Variants in GLRA1 observed in about 807,000 individuals in gnomAD.
The protein encoded by GLRA1 is glycine receptor alpha 1.
A neutral mutation model predicts 48.3 loss-of-function variants in GLRA1; 37 were observed. The ratio of observed to expected loss-of-function variants is 0.77; its 90% CI spans 0.59 to 1.01. The LOEUF is 1.01. Among genes scored for constraint, GLRA1 ranks in the 50% least tolerant of loss-of-function variants. The pLI is 0.00. For missense variants in GLRA1, 427 were observed against 571.0 expected (o/e 0.75, Z 2.57); for synonymous variants, 196 against 210.7 (o/e 0.93, Z 0.60).
At chr5:151,858,786 T>A (rs906105488) in intron 4 of GLRA1, among the ~76,000 whole-genome samples, 1 of 151,718 alleles carries the variant, frequency 6.6e-6, no homozygotes, top group Non-Finnish European at 1.5e-5. Context: ...AAAAAAAACG[T>A]GTTTCCCTGA....
At chr5:151,894,303 G>A (rs1287077533) in intron 1 of GLRA1, among the ~76,000 whole-genome samples, 3 of 152,132 alleles carry the variant, frequency 2.0e-5, no homozygotes, top group Non-Finnish European at 4.4e-5. Context: ...AGTTAATAAT[G>A]GATGACTCTC....
chr5:151,905,169 AT>A (rs1340618722), intron 1 of GLRA1, among the ~76,000 whole-genome samples: 1 of 152,054 alleles, frequency 6.6e-6, no homozygotes, highest in Non-Finnish European at 1.5e-5. Flanking sequence ...AAAAAATAAC[AT>A]TTTCCTCTGA....
In GLRA1 at chr5:151,851,308, C is replaced by T. The variant is rs1729699623; in HGVS notation, c.912+82G>A. On this transcript the variant is annotated intron_variant, in intron 7 of 8. Transcript: ENST00000274576. ...ATAAGTAGTGAATAATTCCTTTGCT[C>T]CCCATGTTTTAGGCAGAGCAAGGAA... is the stretch of plus-strand genomic sequence containing the variant. 15 of 901,460 alleles carry T rather than the reference C, an allele frequency of 1.7e-5. No homozygotes were observed. In the Middle Eastern group the frequency reaches 2.3e-3, roughly 137 times the overall value. The allele number at this position is 901,460 out of a possible 1,614,324, so 55.8% of individuals were successfully genotyped here.
intron 6 of GLRA1, among the ~76,000 whole-genome samples, chr5:151,852,881 T>C (rs1752947343): frequency 6.6e-6 from 1 of 152,140 alleles, no homozygotes; most frequent in Non-Finnish European, 1.5e-5. Context: ...GATGAATAGA[T>C]AAAGAAAATG....
At chr5:151,828,198 A>G (rs1216532904) in intron 8 of GLRA1, among the ~76,000 whole-genome samples, 2 of 152,232 alleles carry the variant, frequency 1.3e-5, no homozygotes, top group African/African-American at 4.8e-5. Context: ...ACAGGGAAAG[A>G]GAACAAGATA....
chr5:151,901,056 C>T (rs920127258), intron 1 of GLRA1, among the ~76,000 whole-genome samples: 2 of 152,104 alleles, frequency 1.3e-5, no homozygotes, highest in Non-Finnish European at 2.9e-5. Context: ...TCTTAGTCAG[C>T]CCCTGGGGAA....
chr5:151,875,822 C>T (rs1753612900), intron 3 of GLRA1: 1 of 152,274 alleles, frequency 6.6e-6, no homozygotes, highest in Non-Finnish European at 1.5e-5. Flanking sequence ...TTTCTTTATG[C>T]TCAGCAAATG....
At chr5:151,882,610 T>C (rs532747171) in intron 3 of GLRA1, among the ~76,000 whole-genome samples, 1 of 152,210 alleles carries the variant, frequency 6.6e-6, no homozygotes, top group South Asian at 2.1e-4. Flanking sequence ...ATCAGACCTG[T>C]GTTTCTACCA....
intron 7 of GLRA1, among the ~76,000 whole-genome samples, chr5:151,841,283 A>G (rs891817265): frequency 5.3e-5 from 8 of 152,302 alleles, no homozygotes; most frequent in Admixed American, 5.2e-4. Flanking sequence ...AAGATATATT[A>G]AGGAATACTC....
chr5:151,912,192 T>C (rs145719138), intron 1 of GLRA1, among the ~76,000 whole-genome samples: 1 of 152,062 alleles, frequency 6.6e-6, no homozygotes, highest in Non-Finnish European at 1.5e-5. Flanking sequence ...CCAAGCCATA[T>C]TCAATACATT....
chr5:151,908,200 T>C (rs1754523891), intron 1 of GLRA1, among the ~76,000 whole-genome samples: 1 of 152,190 alleles, frequency 6.6e-6, no homozygotes, highest in African/African-American at 2.4e-5. Flanking sequence ...CAGCCATGGG[T>C]CCCACCAGCA....
At position 151,924,714 on chromosome 5, in the gene GLRA1, G is replaced by T. The variant is rs1254741373; in HGVS notation, c.-165C>A. On this transcript the variant is annotated 5_prime_UTR_variant, in exon 1 of 9. Coordinates refer to ENST00000274576, the MANE Select transcript of GLRA1 (RefSeq NM_000171.4). ...GAGCCCCAGGGGAAATTGGAGCGAG[G>T]GGGTCGTAGATACCACGGACAGCGG... 16 of 692,812 alleles carry T rather than the reference G, an allele frequency of 2.3e-5. No homozygotes were observed. Among genetic ancestry groups the T allele is most frequent in the Non-Finnish European group, 4.2e-5 (16 of 379,026 alleles). 42.9% of individuals were successfully genotyped at this position (692,812 alleles called of 1,614,324 possible).
intron 1 of GLRA1, among the ~76,000 whole-genome samples, chr5:151,920,374 G>C (rs1032966902): frequency 6.6e-6 from 1 of 152,134 alleles, no homozygotes; most frequent in African/African-American, 2.4e-5. Context: ...TCAAATTATA[G>C]CCCAACTTCT....
intron 1 of GLRA1, among the ~76,000 whole-genome samples, chr5:151,907,014 A>G (rs1401463827): frequency 6.6e-6 from 1 of 152,238 alleles, no homozygotes; most frequent in Admixed American, 6.5e-5. Flanking sequence ...CACTGGAAGT[A>G]TTCAAGGAGA....
rs115361217 is a variant in GLRA1, at chr5:151,859,043, A to G, written c.476+742T>C. ...GATTCTCATTTGTCTAATCTGAAAA[A>G]TGGGCCTGGTAAAACCTGCTTCATG... On this transcript the variant is annotated intron_variant, in intron 4 of 8. Coordinates refer to ENST00000274576, the MANE Select transcript of GLRA1 (RefSeq NM_000171.4). Among the ~76,000 whole-genome samples, 875 of 152,340 alleles carry G rather than the reference A, an allele frequency of 5.7e-3. 12 individuals are homozygous for G. Among genetic ancestry groups the G allele is most frequent in the African/African-American group, 0.02 (846 of 41,580 alleles).
At chr5:151,869,011 G>A (rs1009661104) in intron 3 of GLRA1, among the ~76,000 whole-genome samples, 1 of 152,104 alleles carries the variant, frequency 6.6e-6, no homozygotes, top group Non-Finnish European at 1.5e-5. Context: ...TGTCTTTAGG[G>A]GATCACTAAA....
intron 7 of GLRA1, chr5:151,849,116 CTTT>C: frequency 5.4e-6 from 1 of 186,004 alleles, no homozygotes; most frequent in South Asian, 2.4e-4. Context: ...TTCTTTCTTT[CTTT>C]CTTTCTTTCT....
intron 3 of GLRA1, among the ~76,000 whole-genome samples, chr5:151,865,576 A>G (rs947624471): frequency 2.0e-5 from 3 of 152,230 alleles, no homozygotes; most frequent in South Asian, 2.1e-4. Flanking sequence ...TTAAGTAAAG[A>G]TGGACATTAT....
At chr5:151,901,426 G>T (rs1317384082) in intron 1 of GLRA1, among the ~76,000 whole-genome samples, 1 of 152,214 alleles carries the variant, frequency 6.6e-6, no homozygotes, top group Non-Finnish European at 1.5e-5. Flanking sequence ...TCAGAGGCTT[G>T]AGTGTTGAAG....
Sources: gnomAD v4.1 joint callset for allele counts (sites outside exome capture counted in the v4.1 genomes callset) on GRCh38, gnomAD v4.1.1 for gene constraint, MANE v1.5 for transcripts, NCBI Gene and HGNC (gene_info 2026-07-23, HGNC 2026-07-21) for gene names.